The following DNAJB12 variants were observed in gnomAD, a reference collection of about 807,000 sequenced individuals.
The protein encoded by DNAJB12 is dnaJ homolog subfamily B member 12.
Under a neutral mutation model 40.6 loss-of-function variants are expected in DNAJB12, and 14 were observed. That is an observed-to-expected ratio of 0.34 (90% confidence interval 0.23 to 0.54). DNAJB12 has a LOEUF of 0.54. Ranked by LOEUF, DNAJB12 falls within the 20% of genes least tolerant of loss-of-function variation. DNAJB12 has a pLI of 0.92. For synonymous variants in DNAJB12, 181 were observed against 199.5 expected (o/e 0.91, Z 0.78); for missense variants, 444 against 501.7 (o/e 0.89, Z 1.10).
chr10:72,348,453 G>T (rs1274809567), intron 1 of DNAJB12, among the ~76,000 whole-genome samples: 3 of 152,198 alleles, frequency 2.0e-5, no homozygotes, highest in Non-Finnish European at 2.9e-5. Flanking sequence ...CTGTGCTAAG[G>T]AAGGACAGCA....
At position 72,336,161 on chromosome 10, in the gene DNAJB12, C is replaced by G. The variant is rs548263496; in HGVS notation, c.1007-230G>C. 3.3e-5 allele frequency among the ~76,000 whole-genome samples: 5 copies of G among 152,288 alleles called. No homozygotes were observed. In the South Asian group the frequency reaches 1.0e-3, roughly 32 times the overall value. ...GCAGTGAGGCCAGCCAAGGTGAGACCCTGTCATCCTGGTCAGGCCTCCCCA... is the reference window on the plus strand; with the variant it reads ...GCAGTGAGGCCAGCCAAGGTGAGACGCTGTCATCCTGGTCAGGCCTCCCCA... On this transcript the variant is annotated intron_variant, in intron 7 of 8. Coordinates refer to ENST00000444643, the MANE Select transcript of DNAJB12 (RefSeq NM_017626.7).
At chr10:72,344,855 C>G in intron 2 of DNAJB12, 95 bp downstream of exon 2, 1 of 1,449,922 alleles carries the variant, frequency 6.9e-7, no homozygotes, top group Non-Finnish European at 9.6e-7. Context: ...GGGCCCTGTG[C>G]TGCCCACAGG....
intron 8 of DNAJB12, 65 bp from the exon 9 acceptor site, chr10:72,334,682 C>T (rs1028086135): frequency 1.3e-6 from 2 of 1,496,360 alleles, no homozygotes; most frequent in African/African-American, 2.8e-5. Flanking sequence ...TAGCTTATGC[C>T]ACACAAGTAG....
At chr10:72,345,735 A>G (rs1168072171) in intron 1 of DNAJB12, among the ~76,000 whole-genome samples, 1 of 151,578 alleles carries the variant, frequency 6.6e-6, no homozygotes, top group African/African-American at 2.4e-5. Flanking sequence ...AAAAACCCCA[A>G]AAGACATTTA....
At chr10:72,336,770 G>T in intron 6 of DNAJB12, 74 bp from the exon 7 acceptor site, 1 of 1,342,882 alleles carries the variant, frequency 7.4e-7, no homozygotes. Context: ...TGGGCCCCAA[G>T]ACAGGAGGTG....
intron 2 of DNAJB12, among the ~76,000 whole-genome samples, chr10:72,344,157 T>G (rs1337319037): frequency 6.6e-6 from 1 of 152,172 alleles, no homozygotes; most frequent in African/African-American, 2.4e-5. Context: ...TCACCAATTC[T>G]TCCTCTCCGC....
intron 3 of DNAJB12, among the ~76,000 whole-genome samples, chr10:72,341,447 T>A (rs72808130): frequency 6.6e-6 from 1 of 151,880 alleles, no homozygotes; most frequent in Non-Finnish European, 1.5e-5. Context: ...CTCCTAGGAG[T>A]GTGGCCTCAT....
intron 8 of DNAJB12, chr10:72,334,924 G>C: frequency 8.2e-7 from 1 of 1,220,000 alleles, no homozygotes. Flanking sequence ...GGCTGAAGTG[G>C]CCACCTCTGG....
At chr10:72,337,936 C>CGT (rs753596521) in intron 6 of DNAJB12, among the ~76,000 whole-genome samples, 7 of 151,966 alleles carry the variant, frequency 4.6e-5, no homozygotes, top group African/African-American at 1.7e-4. Flanking sequence ...ACATGTGTAT[C>CGT]GTGTGTGTGT....
intron 1 of DNAJB12, among the ~76,000 whole-genome samples, chr10:72,352,721 C>T (rs1229004031): frequency 6.6e-6 from 1 of 152,100 alleles, no homozygotes; most frequent in Non-Finnish European, 1.5e-5. Context: ...AGATTATAAG[C>T]TCTTTTGAGG....
In DNAJB12 at chr10:72,338,311, C is replaced by G. The variant is rs1861535612; in HGVS notation, c.724G>C (p.Gly242Arg). The G allele has an allele frequency of 6.2e-7, 1 of 1,613,858 alleles. No homozygotes were observed. Among genetic ancestry groups the G allele is most frequent in the African/African-American group, 1.3e-5 (1 of 75,016 alleles). ...RQDRRDNQGD[G>R]GLGVFVQLMP... ...AGCTGCACAAACACCCCTAGCCCGC[C>G]CTGGAGGGAAGAGCCAATGTCACTC... The change falls in exon 6 of 9, where the codon GGC (glycine) becomes CGC (arginine). Residue 242 changes from glycine (G) to arginine (R), a missense_variant and splice_region_variant. Transcript: ENST00000444643.
chr10:72,347,131 T>G (rs1399062382), intron 1 of DNAJB12, among the ~76,000 whole-genome samples: 2 of 152,016 alleles, frequency 1.3e-5, no homozygotes, highest in Admixed American at 1.3e-4. Context: ...CGCCGGCTAA[T>G]TGTATTTTTA....
intron 1 of DNAJB12, among the ~76,000 whole-genome samples, chr10:72,348,620 C>T (rs1264191319): frequency 6.6e-6 from 1 of 152,246 alleles, no homozygotes; most frequent in Non-Finnish European, 1.5e-5. Flanking sequence ...CAGTGGAGCA[C>T]TGTGCCCTGG....
chr10:72,352,082 T>G (rs1369075567), intron 1 of DNAJB12, among the ~76,000 whole-genome samples: 1 of 152,212 alleles, frequency 6.6e-6, no homozygotes, highest in Non-Finnish European at 1.5e-5. Flanking sequence ...GGCAATTCTC[T>G]CCTATTGGCT....
At position 72,334,466 on chromosome 10, in the gene DNAJB12, C is replaced by T; in HGVS notation, c.*182G>A. 1 of 1,240,520 alleles carries T rather than the reference C, an allele frequency of 8.1e-7. No individual in the cohort carries two copies. Among genetic ancestry groups the T allele is most frequent in the Admixed American group, 2.0e-5 (1 of 49,920 alleles). 76.8% of individuals were successfully genotyped at this position (1,240,520 alleles called of 1,614,324 possible). On this transcript the variant is annotated 3_prime_UTR_variant, in exon 9 of 9. Coordinates refer to ENST00000444643, the MANE Select transcript of DNAJB12 (RefSeq NM_017626.7). The stretch of plus-strand genomic sequence containing the variant: ...GTTTTCTGTCTGTCCTAAGAGCTTT[C>T]TGCATTTACTGGGTGAGAGAGAGGG...
chr10:72,354,311 G>C (rs1862009183), intron 1 of DNAJB12: 1 of 155,792 alleles, frequency 6.4e-6, no homozygotes, highest in Non-Finnish European at 1.4e-5. Context: ...CCTTTCCCTG[G>C]CGCCCGAAGA....
At position 72,334,828 on chromosome 10, in the gene DNAJB12, G is replaced by T. The variant is rs1025788082; in HGVS notation, c.*31-211C>A. 7.4e-6 allele frequency: 10 copies of T among 1,359,444 alleles called. No homozygotes were observed. In the Admixed American group the frequency reaches 1.5e-4, roughly 20 times the overall value. The allele number at this position is 1,359,444 out of a possible 1,614,324, so 84.2% of individuals were successfully genotyped here. On this transcript the variant is annotated intron_variant, in intron 8 of 8. Coordinates refer to ENST00000444643, the MANE Select transcript of DNAJB12 (RefSeq NM_017626.7). Reference sequence around the variant, plus strand: ...GCAGAGTCAGCCATGGATCCAGGCCGGGAGGACACAGGCAAAGGAGGGGGT... The same window carrying T: ...GCAGAGTCAGCCATGGATCCAGGCCTGGAGGACACAGGCAAAGGAGGGGGT...
At chr10:72,349,272 G>C (rs989801150) in intron 1 of DNAJB12, among the ~76,000 whole-genome samples, 1 of 152,034 alleles carries the variant, frequency 6.6e-6, no homozygotes, top group African/African-American at 2.4e-5. Flanking sequence ...CAAGGCTGAT[G>C]AAGTGTCTGG....
chr10:72,343,597 C>T (rs1206865980), intron 2 of DNAJB12, 86 bp from the exon 3 acceptor site: 1 of 1,473,688 alleles, frequency 6.8e-7, no homozygotes, highest in Admixed American at 1.8e-5. Context: ...GGGCGCACAG[C>T]TCTGGGCAGG....
Sources: allele counts gnomAD v4.1 joint callset (sites outside exome capture counted in the v4.1 genomes callset), GRCh38; gene constraint gnomAD v4.1.1; transcripts MANE v1.5; gene names NCBI Gene and HGNC (gene_info 2026-07-23, HGNC 2026-07-21).